PI4KA: variants seen among roughly 807,000 people sequenced by gnomAD.
The protein encoded by PI4KA is phosphatidylinositol 4-kinase alpha.
PI4KA carries 122 observed loss-of-function variants against 271.4 expected under a neutral mutation model. The observed-to-expected ratio is 0.45, with a 90% confidence interval of 0.39 to 0.52. The LOEUF is 0.52. PI4KA is among the 20% of genes least tolerant of loss of function. The pLI is 0.00. For synonymous variants in PI4KA, 1,041 were observed against 1,078.8 expected (o/e 0.96, Z 0.69); for missense variants, 1,969 against 2,769.1 (o/e 0.71, Z 6.48).
In PI4KA at chr22:20,721,393, A is replaced by G. The variant is rs1464549565; in HGVS notation, c.5021T>C (p.Leu1674Pro). The G allele has an allele frequency of 6.2e-7, 1 of 1,613,898 alleles. No individual in the cohort carries two copies. The highest frequency in any genetic ancestry group is 8.5e-7 in the Non-Finnish European group (1 of 1,180,010). The change falls in exon 43 of 55, where the codon CTG becomes CCG. Residue 1674 changes from leucine to proline, a missense_variant. Coordinates refer to ENST00000255882, the MANE Select transcript of PI4KA (RefSeq NM_058004.4). ...DKMGYVREYI[L>P]WAASKSQLLA... Reference sequence around the variant, plus strand: ...AAGCTGGGATTTAGACGCTGCCCACAGAATATACTCCCGCACATAGCCCAT... The same window carrying G: ...AAGCTGGGATTTAGACGCTGCCCACGGAATATACTCCCGCACATAGCCCAT...
Position 20,710,089 on chromosome 22 carries a change from C to T in PI4KA, c.6084-92G>A, listed in dbSNP as rs1258545311. 5.6e-6 allele frequency: 4 copies of T among 711,204 alleles called. No individual in the cohort carries two copies. The South Asian group carries it at 6.0e-5, about 11-fold the overall frequency. The allele number at this position is 711,204 out of a possible 1,614,324, so 44.1% of individuals were successfully genotyped here. A position where few individuals can be genotyped will look rare whatever the true frequency, so the allele number is the denominator to read the frequency against. On this transcript the variant is annotated intron_variant, in intron 52 of 54. Coordinates refer to ENST00000255882, the MANE Select transcript of PI4KA (RefSeq NM_058004.4). ...GTGGACTGGCTGATGCCAACAGCCTCAGGTGTGGGCTCCTGCCACCCACCT... is the reference window on the plus strand; with the variant it reads ...GTGGACTGGCTGATGCCAACAGCCTTAGGTGTGGGCTCCTGCCACCCACCT...
At chr22:20,713,520 C>T in intron 47 of PI4KA, 130 bp from the exon 48 acceptor site, 1 of 668,348 alleles carries the variant, frequency 1.5e-6, no homozygotes, top group Non-Finnish European at 2.6e-6. Flanking sequence ...TTCAAAACCC[C>T]AAGGAGGCCA....
At chr22:20,738,554 G>A (rs1164417427) in intron 32 of PI4KA, among the ~76,000 whole-genome samples, 1 of 152,110 alleles carries the variant, frequency 6.6e-6, no homozygotes, top group Non-Finnish European at 1.5e-5. Context: ...TGGGCACTAT[G>A]GGACCTGGAC....
intron 19 of PI4KA, among the ~76,000 whole-genome samples, chr22:20,791,143 C>G (rs1422395253): frequency 6.6e-6 from 1 of 152,194 alleles, no homozygotes; most frequent in East Asian, 1.9e-4. Flanking sequence ...AAGTGCCCGA[C>G]AGATTTCCAC....
In PI4KA at chr22:20,753,285, C is replaced by G. The variant is rs1930912281; in HGVS notation, c.2792-105G>C. Reference sequence around the variant, plus strand: ...ATGATTTTAGACTTACAGAGAGTGGCAAAGACAGCACAGAGCTCCCATATA... The same window carrying G: ...ATGATTTTAGACTTACAGAGAGTGGGAAAGACAGCACAGAGCTCCCATATA... On this transcript the variant is annotated intron_variant, in intron 23 of 54. Transcript: ENST00000255882. 6.6e-6 allele frequency: 7 copies of G among 1,058,234 alleles called. No individual in the cohort carries two copies. The South Asian group carries it at 6.8e-5, about 10-fold the overall frequency. The allele number at this position is 1,058,234 out of a possible 1,614,324, so 65.6% of individuals were successfully genotyped here.
chr22:20,757,244 A>G (rs556192501), intron 23 of PI4KA, among the ~76,000 whole-genome samples: 4 of 152,354 alleles, frequency 2.6e-5, no homozygotes, highest in East Asian at 3.9e-4. Context: ...GAGGAAAAAT[A>G]TAAGAGGGAT....
rs115580725 is a variant in PI4KA, at chr22:20,754,397, A to G, written c.2792-1217T>C. On this transcript the variant is annotated intron_variant, in intron 23 of 54. Coordinates refer to ENST00000255882, the MANE Select transcript of PI4KA (RefSeq NM_058004.4). ...GCCACTATGCCCAGTCCCTTTCTCT[A>G]TTCTTTAGAAGCAAGTCACTAAGGA... Among the ~76,000 whole-genome samples, 498 of 152,170 alleles carry G rather than the reference A, an allele frequency of 3.3e-3. 1 individual carries two copies. Among genetic ancestry groups the G allele is most frequent in the African/African-American group, 0.011 (474 of 41,524 alleles).
At chr22:20,759,552 C>T (rs1601424356) in intron 23 of PI4KA, among the ~76,000 whole-genome samples, 1 of 151,156 alleles carries the variant, frequency 6.6e-6, no homozygotes, top group South Asian at 2.1e-4. Context: ...TACAGGCGTG[C>T]ACCACCACGC....
At chr22:20,783,580 G>A (rs926181105) in intron 19 of PI4KA, among the ~76,000 whole-genome samples, 4 of 152,084 alleles carry the variant, frequency 2.6e-5, no homozygotes, top group African/African-American at 4.8e-5. Flanking sequence ...TGGCATCGCC[G>A]CACTCCAGCC....
Position 20,858,722 on chromosome 22 carries a change from C to T in PI4KA, c.4G>A (p.Ala2Thr), listed in dbSNP as rs1023439336. 6.9e-7 allele frequency: 1 copy of T among 1,439,738 alleles called. No homozygotes were observed. The highest frequency in any genetic ancestry group is 2.6e-5 in the Admixed American group (1 of 38,392). 89.2% of individuals were successfully genotyped at this position (1,439,738 alleles called of 1,614,324 possible). Residue 2 changes from alanine to threonine, a missense_variant, in exon 1 of 55, where the codon GCG (alanine) becomes ACG (threonine). Physicochemically the swap from Ala to Thr is moderately conservative, Grantham distance 58. This residue lies in a region of PI4KA where 540 missense variants were observed against 555.5 expected (regional missense o/e 0.97). Coordinates refer to ENST00000255882, the MANE Select transcript of PI4KA (RefSeq NM_058004.4). M[A>T]AAPARGGGGG... is the part of the protein sequence containing the mutation. ...CCGCCTCCCCGGGCCGGGGCCGCCG[C>T]CATCACCTCACGAGCCGCGGCGCTG...
intron 14 of PI4KA, among the ~76,000 whole-genome samples, chr22:20,801,503 T>C (rs140177651): frequency 0.031 from 4,763 of 151,822 alleles, 96 homozygotes; most frequent in Middle Eastern, 0.062. Context: ...GAGAATTGCA[T>C]GAACCCAGGA....
intron 22 of PI4KA, among the ~76,000 whole-genome samples, chr22:20,764,185 G>A (rs1271640459): frequency 2.0e-5 from 3 of 152,228 alleles, no homozygotes; most frequent in East Asian, 3.8e-4. Flanking sequence ...TGAGGCCTCA[G>A]CACAGTGGGT....
chr22:20,840,261 G>A (rs972956517), intron 1 of PI4KA, among the ~76,000 whole-genome samples: 1 of 152,142 alleles, frequency 6.6e-6, no homozygotes, highest in African/African-American at 2.4e-5. Context: ...CCTTAAATTG[G>A]GATCTGATCA....
At chr22:20,796,466 G>A (rs1055065669) in intron 17 of PI4KA, 152 bp from the exon 18 acceptor site, 2 of 648,846 alleles carry the variant, frequency 3.1e-6, no homozygotes, top group Admixed American at 5.7e-5. Context: ...ACTCTCAAGT[G>A]GAGAAGAACA....
intron 42 of PI4KA, chr22:20,721,784 A>C (rs1926766142): frequency 1.4e-5 from 3 of 213,614 alleles, no homozygotes; most frequent in African/African-American, 6.6e-5. Context: ...TGTTTAGAAC[A>C]ATGTTCCAAA....
intron 3 of PI4KA, among the ~76,000 whole-genome samples, chr22:20,833,657 G>GTT (rs361962): frequency 6.3e-4 from 46 of 73,036 alleles, no homozygotes; most frequent in African/African-American, 6.7e-4. Flanking sequence ...GTTTGTTTTT[G>GTT]TTTTTTTTTT....
At chr22:20,819,525 G>A (rs1922319832) in intron 6 of PI4KA, 116 bp downstream of exon 6, 8 of 962,534 alleles carry the variant, frequency 8.3e-6, no homozygotes, top group Non-Finnish European at 1.3e-5. Flanking sequence ...GAGAATTCTA[G>A]TGAAACATTT....
At chr22:20,805,245 T>C in intron 10 of PI4KA, 80 bp from the exon 11 acceptor site, 1 of 998,342 alleles carries the variant, frequency 1.0e-6, no homozygotes, top group Non-Finnish European at 1.5e-6. Context: ...GCTACAGTCT[T>C]CCCCTTTTAA....
At chr22:20,767,265 AC>A (rs1227982022) in intron 19 of PI4KA, among the ~76,000 whole-genome samples, 1 of 152,026 alleles carries the variant, frequency 6.6e-6, no homozygotes, top group Non-Finnish European at 1.5e-5. Flanking sequence ...ACAGGGTGAA[AC>A]CCTGTCTCTA....
Sources: allele counts gnomAD v4.1 joint callset (sites outside exome capture counted in the v4.1 genomes callset), GRCh38; gene constraint gnomAD v4.1.1; regional missense constraint gnomAD v4.1.1; transcripts MANE v1.5; gene names NCBI Gene and HGNC (gene_info 2026-07-23, HGNC 2026-07-21).